PDE1A: variants seen among roughly 807,000 people sequenced by gnomAD.
The protein encoded by PDE1A is dual specificity calcium/calmodulin-dependent 3',5'-cyclic nucleotide phosphodiesterase 1A.
Under a neutral mutation model 61.7 loss-of-function variants are expected in PDE1A, and 35 were observed. The ratio of observed to expected loss-of-function variants is 0.57; its 90% CI spans 0.43 to 0.75. The LOEUF (loss-of-function observed/expected upper bound fraction) is 0.75, where lower values mean the gene tolerates loss of function less well. PDE1A is among the 30% of genes least tolerant of loss of function. PDE1A has a pLI of 0.00. For synonymous variants in PDE1A, 232 were observed against 213.2 expected (o/e 1.09, Z -0.77); for missense variants, 597 against 630.6 (o/e 0.95, Z 0.57).
In PDE1A at chr2:182,377,084, C is replaced by T. The variant is rs548286992; in HGVS notation, c.53+49494G>A. ...CCAAACCATATCAACTTTTAACCCA[C>T]GTGATTGGGTAAAAAAATTATGAAA... On this transcript the variant is annotated intron_variant, in intron 1 of 13. Coordinates refer to ENST00000351439, the Ensembl canonical transcript of PDE1A. Among the ~76,000 whole-genome samples the T allele has an allele frequency of 7.2e-5, 11 of 152,196 alleles. No homozygotes were observed. The South Asian group carries it at 1.0e-3, about 14-fold the overall frequency.
chr2:182,279,976 T>A (rs1379576662), intron 1 of PDE1A, among the ~76,000 whole-genome samples: 1 of 151,894 alleles, frequency 6.6e-6, no homozygotes, highest in Non-Finnish European at 1.5e-5. Context: ...GACTTAGGTG[T>A]TTTTTATATA....
At chr2:182,695,703 AG>A in the PDE1A span, among the ~76,000 whole-genome samples, 3 of 151,090 alleles carry the variant, frequency 2.0e-5, no homozygotes, top group South Asian at 6.2e-4. Context: ...AAAAAGAAAA[AG>A]AAAAAAAAAG....
rs1690179893 is a variant in PDE1A, at chr2:182,516,702, G to GGAAGGA, written c.101+5573_101+5574insTCCTTC. Among the ~76,000 whole-genome samples, 17 of 116,846 alleles carry GGAAGGA rather than the reference G, an allele frequency of 1.5e-4. No individual in the cohort carries two copies. In the South Asian group the frequency reaches 4.9e-3, roughly 33 times the overall value. The allele number at this position is 116,846 out of a possible 152,430, so 76.7% of individuals were successfully genotyped here. ...GAGGGAAGGAGGGAAGGGAGGAAGG[G>GGAAGGA]AGGAAGGAAGGAAGGAAGGAAGGAA... On this transcript the variant is annotated intron_variant, in intron 2 of 14. Transcript: ENST00000410103.
chr2:182,171,655 G>A (rs1026926791), intron 13 of PDE1A, among the ~76,000 whole-genome samples: 2 of 151,510 alleles, frequency 1.3e-5, no homozygotes, highest in East Asian at 1.9e-4. Context: ...CACTTGGAGC[G>A]GGGCTAATTA....
chr2:182,712,200 A>G, the PDE1A span, among the ~76,000 whole-genome samples: 3 of 152,252 alleles, frequency 2.0e-5, no homozygotes, highest in African/African-American at 7.2e-5. Flanking sequence ...CAAAGTCTTA[A>G]AAGTCAAGGA....
At chr2:182,677,734 G>C in the PDE1A span, among the ~76,000 whole-genome samples, 1 of 152,172 alleles carries the variant, frequency 6.6e-6, no homozygotes. Flanking sequence ...ACAACCATCT[G>C]ATCTTTGACA....
At chr2:182,644,261 C>CTGTGTG in the PDE1A span, among the ~76,000 whole-genome samples, 1,689 of 68,310 alleles carry the variant, frequency 0.025, 25 homozygotes, top group South Asian at 0.051. Context: ...AGTCTTAAGA[C>CTGTGTG]TCTGTGTGTG....
At chr2:182,364,242 G>C (rs1057253988) in intron 1 of PDE1A, among the ~76,000 whole-genome samples, 2 of 151,728 alleles carry the variant, frequency 1.3e-5, no homozygotes, top group African/African-American at 2.4e-5. Flanking sequence ...GAGCCAGGCA[G>C]GGCATATTAA....
downstream of PDE1A, among the ~76,000 whole-genome samples, chr2:182,166,156 A>C (rs1691640090): frequency 6.6e-6 from 1 of 152,120 alleles, no homozygotes; most frequent in East Asian, 1.9e-4. Context: ...TTAGGTACCA[A>C]CTTGACTGGA....
chr2:182,170,961 T>A (rs1330370346), intron 13 of PDE1A, among the ~76,000 whole-genome samples: 1 of 152,026 alleles, frequency 6.6e-6, no homozygotes, highest in East Asian at 1.9e-4. Flanking sequence ...GCAAATTTGA[T>A]CTTTTAATAA....
At position 182,187,737 on chromosome 2, in the gene PDE1A, C is replaced by CTTTT. The variant is rs1038970569; in HGVS notation, c.1208-1153_1208-1150dup. Among the ~76,000 whole-genome samples the CTTTT allele has an allele frequency of 1.5e-3, 102 of 66,378 alleles. 5 individuals carry two copies. Among genetic ancestry groups the CTTTT allele is most frequent in the African/African-American group, 2.9e-3 (44 of 15,334 alleles). 43.5% of individuals were successfully genotyped at this position (66,378 alleles called of 152,430 possible). A position where few individuals can be genotyped will look rare whatever the true frequency, so the allele number is the denominator to read the frequency against. On this transcript the variant is annotated intron_variant, in intron 11 of 13. Coordinates refer to ENST00000351439, the Ensembl canonical transcript of PDE1A. ...TTAAGTTCTATGTTCTTTTTTTGTT[C>CTTTT]TTTTTTTTTTTTTTTTTTTTTTTTT... is the stretch of plus-strand genomic sequence containing the variant.
the PDE1A span, among the ~76,000 whole-genome samples, chr2:182,694,898 G>A: frequency 2.7e-5 from 4 of 150,586 alleles, no homozygotes; most frequent in African/African-American, 9.7e-5. Flanking sequence ...TTATAAAAGT[G>A]ATTGTTTATG....
chr2:182,711,967 C>T, the PDE1A span, among the ~76,000 whole-genome samples: 1 of 152,268 alleles, frequency 6.6e-6, no homozygotes, highest in Admixed American at 6.5e-5. Flanking sequence ...TGTAACATTG[C>T]CATAGAAAAG....
intron 6 of PDE1A, among the ~76,000 whole-genome samples, chr2:182,227,922 G>C (rs765809843): frequency 6.6e-6 from 1 of 152,094 alleles, no homozygotes; most frequent in Non-Finnish European, 1.5e-5. Flanking sequence ...TGTGTAGTCA[G>C]TGCACTAAAA....
chr2:182,285,600 T>G (rs937457481), intron 1 of PDE1A, among the ~76,000 whole-genome samples: 1 of 152,152 alleles, frequency 6.6e-6, no homozygotes, highest in African/African-American at 2.4e-5. Context: ...CATGTGGATG[T>G]TGACTTTGAC....
chr2:182,445,235 T>A (rs1443143722), intron 2 of PDE1A, among the ~76,000 whole-genome samples: 1 of 152,120 alleles, frequency 6.6e-6, no homozygotes, highest in Non-Finnish European at 1.5e-5. Flanking sequence ...CAATGAGGAA[T>A]TATAAAGGAA....
At chr2:182,196,670 T>A (rs539989976) in intron 10 of PDE1A, among the ~76,000 whole-genome samples, 3 of 151,848 alleles carry the variant, frequency 2.0e-5, no homozygotes, top group African/African-American at 7.2e-5. Flanking sequence ...TCTATCACCA[T>A]ATATTAATTT....
intron 2 of PDE1A, among the ~76,000 whole-genome samples, chr2:182,514,233 T>G (rs1325339567): frequency 6.6e-6 from 1 of 152,194 alleles, no homozygotes; most frequent in African/African-American, 2.4e-5. Flanking sequence ...AGAATCAACA[T>G]TGCTAAAATA....
At chr2:182,624,773 G>C in the PDE1A span, among the ~76,000 whole-genome samples, 1 of 152,168 alleles carries the variant, frequency 6.6e-6, no homozygotes, top group African/African-American at 2.4e-5. Context: ...TAATTGCCCT[G>C]GGGCCAGATA....
Sources: gnomAD v4.1 joint callset for allele counts (sites outside exome capture counted in the v4.1 genomes callset) on GRCh38, gnomAD v4.1.1 for gene constraint, MANE v1.5 for transcripts, NCBI Gene and HGNC (gene_info 2026-07-23, HGNC 2026-07-21) for gene names.